Variants in GALNT13 observed in about 807,000 individuals in gnomAD.
The protein encoded by GALNT13 is UDP-GalNAc:polypeptide N-acetylgalactosaminyltransferase 13.
Under a neutral mutation model 64.2 loss-of-function variants are expected in GALNT13, and 28 were observed. The observed-to-expected ratio is 0.44, with a 90% CI of 0.32 to 0.60. The LOEUF (loss-of-function observed/expected upper bound fraction) is 0.60, where lower values mean the gene tolerates loss of function less well. Ranked by LOEUF, GALNT13 falls within the 20% of genes least tolerant of loss-of-function variation. The probability of loss-of-function intolerance (pLI) is 0.05; values close to 1 mark genes in which losing one functional copy is unlikely to be tolerated. For synonymous variants in GALNT13, 214 were observed against 224.6 expected (o/e 0.95, Z 0.42); for missense variants, 577 against 669.8 (o/e 0.86, Z 1.53).
the GALNT13 span, among the ~76,000 whole-genome samples, chr2:153,476,935 G>A: frequency 2.0e-5 from 3 of 152,062 alleles, no homozygotes; most frequent in Non-Finnish European, 4.4e-5. Flanking sequence ...GTTGGTTAGG[G>A]TAGAGACGCC....
At chr2:153,803,598 A>G in the GALNT13 span, among the ~76,000 whole-genome samples, 4,421 of 150,400 alleles carry the variant, frequency 0.029, 227 homozygotes, top group African/African-American at 0.1. Flanking sequence ...AGGCTGAGGC[A>G]GGAGAACGGC....
the GALNT13 span, among the ~76,000 whole-genome samples, chr2:153,666,532 G>A: frequency 2.0e-5 from 3 of 152,154 alleles, no homozygotes; most frequent in African/African-American, 7.2e-5. Context: ...ACCTTAAAGG[G>A]TCAGAGAACA....
the GALNT13 span, among the ~76,000 whole-genome samples, chr2:153,340,352 A>G: frequency 6.6e-6 from 1 of 152,124 alleles, no homozygotes; most frequent in Non-Finnish European, 1.5e-5. Flanking sequence ...CTAGTACTAT[A>G]TTAAATAGAA....
At chr2:153,974,001 T>C (rs893998038) in intron 3 of GALNT13, among the ~76,000 whole-genome samples, 6 of 152,040 alleles carry the variant, frequency 3.9e-5, no homozygotes, top group African/African-American at 1.4e-4. Flanking sequence ...TTACCAATGA[T>C]TTATAGACTT....
At chr2:153,447,604 T>C in the GALNT13 span, among the ~76,000 whole-genome samples, 3 of 152,212 alleles carry the variant, frequency 2.0e-5, no homozygotes, top group African/African-American at 4.8e-5. Flanking sequence ...TGCCTTACCA[T>C]ATAATAAATT....
intron 4 of GALNT13, among the ~76,000 whole-genome samples, chr2:154,155,980 C>T (rs184399530): frequency 4.2e-4 from 63 of 151,676 alleles, no homozygotes; most frequent in Non-Finnish European, 6.2e-4. Flanking sequence ...ATATATTCGA[C>T]GTATATTTAT....
intron 9 of GALNT13, among the ~76,000 whole-genome samples, chr2:154,383,276 C>T (rs972650094): frequency 1.3e-5 from 2 of 151,788 alleles, no homozygotes. Context: ...GCATGATGCA[C>T]TGTTTGAGTG....
chr2:153,182,830 T>C, the GALNT13 span, among the ~76,000 whole-genome samples: 1 of 152,260 alleles, frequency 6.6e-6, no homozygotes, highest in Non-Finnish European at 1.5e-5. Flanking sequence ...TCATGATGTA[T>C]ATGTACCATG....
chr2:153,626,252 C>T, the GALNT13 span, among the ~76,000 whole-genome samples: 1 of 151,844 alleles, frequency 6.6e-6, no homozygotes, highest in Non-Finnish European at 1.5e-5. Context: ...GAGGAAGAAC[C>T]CAACATAAAG....
At position 154,251,063 on chromosome 2, in the gene GALNT13, T is replaced by C. The variant is rs1475303605; in HGVS notation, c.857+5081T>C. Among the ~76,000 whole-genome samples, 3 of 152,154 alleles carry C rather than the reference T, an allele frequency of 2.0e-5. No homozygotes were observed. In the East Asian group the frequency reaches 5.8e-4, roughly 29 times the overall value. ...TATTCTATGAAAGAAAGAGTACTTT[T>C]ATATTATATTACTTTCTAATAGTTT... On this transcript the variant is annotated intron_variant, in intron 7 of 12. Transcript: ENST00000392825.
chr2:153,658,464 G>A, the GALNT13 span, among the ~76,000 whole-genome samples: 1 of 152,060 alleles, frequency 6.6e-6, no homozygotes, highest in Non-Finnish European at 1.5e-5. Context: ...GTAGGTGATA[G>A]ACACTCCCTT....
In GALNT13 at chr2:154,145,092, C is replaced by A. The variant is rs917655641; in HGVS notation, c.311+4587C>A. Among the ~76,000 whole-genome samples the A allele has an allele frequency of 5.6e-3, 714 of 127,596 alleles. 1 individual carries two copies. Among genetic ancestry groups the A allele is most frequent in the Middle Eastern group, 8.0e-3 (2 of 250 alleles). The allele number at this position is 127,596 out of a possible 152,430, so 83.7% of individuals were successfully genotyped here. On this transcript the variant is annotated intron_variant, in intron 4 of 12. Coordinates refer to ENST00000392825, the MANE Select transcript of GALNT13 (RefSeq NM_052917.4). ...TCTCTCTATCTATCTATCTATCTATCTATCTATCTATATATATATATATAT... is the reference window on the plus strand; with the variant it reads ...TCTCTCTATCTATCTATCTATCTATATATCTATCTATATATATATATATAT...
At chr2:153,284,947 A>T in the GALNT13 span, among the ~76,000 whole-genome samples, 3 of 151,990 alleles carry the variant, frequency 2.0e-5, no homozygotes, top group Admixed American at 2.0e-4. Flanking sequence ...ACATACACAC[A>T]TGCATATGTG....
chr2:154,223,160 C>A (rs1386940024), intron 4 of GALNT13, among the ~76,000 whole-genome samples: 3 of 152,066 alleles, frequency 2.0e-5, no homozygotes, highest in African/African-American at 7.2e-5. Flanking sequence ...GGTCTTAAAT[C>A]TTCAATATGA....
chr2:153,951,409 T>C (rs1445770545), intron 3 of GALNT13, among the ~76,000 whole-genome samples: 4 of 152,162 alleles, frequency 2.6e-5, no homozygotes, highest in Non-Finnish European at 2.9e-5. Flanking sequence ...TCTGTGGCAG[T>C]ATTCCATGTA....
the GALNT13 span, among the ~76,000 whole-genome samples, chr2:153,334,040 A>C: frequency 6.6e-6 from 1 of 152,238 alleles, no homozygotes; most frequent in South Asian, 2.1e-4. Context: ...GCTAATATGC[A>C]TGTACACACA....
the GALNT13 span, among the ~76,000 whole-genome samples, chr2:153,088,894 G>A: frequency 6.6e-6 from 1 of 152,100 alleles, no homozygotes; most frequent in Non-Finnish European, 1.5e-5. Context: ...GAAGATCTCA[G>A]ATACCTTGTA....
intron 4 of GALNT13, among the ~76,000 whole-genome samples, chr2:154,225,542 C>A (rs1164191811): frequency 6.6e-6 from 1 of 151,990 alleles, no homozygotes; most frequent in East Asian, 1.9e-4. Flanking sequence ...AAAATACATG[C>A]ACAAGATATA....
chr2:154,291,834 G>C (rs1037078871), intron 8 of GALNT13, among the ~76,000 whole-genome samples: 1 of 152,272 alleles, frequency 6.6e-6, no homozygotes, highest in Admixed American at 6.5e-5. Context: ...GAGCAAGCGA[G>C]GACTGCTAGC....
Sources: allele counts gnomAD v4.1 joint callset (sites outside exome capture counted in the v4.1 genomes callset), GRCh38; gene constraint gnomAD v4.1.1; transcripts MANE v1.5; gene names NCBI Gene and HGNC (gene_info 2026-07-23, HGNC 2026-07-21).